JCAD: variants seen among roughly 807,000 people sequenced by gnomAD.
JCAD encodes the protein junctional cadherin 5 associated, also known as junctional cadherin 5-associated protein.
A neutral mutation model predicts 98.0 loss-of-function variants in JCAD; 40 were observed. The observed-to-expected ratio is 0.41, with a 90% CI of 0.32 to 0.53. The LOEUF is 0.53. Ranked by LOEUF, JCAD falls within the 20% of genes least tolerant of loss-of-function variation. The pLI, the probability that JCAD is intolerant of heterozygous loss-of-function variation, is 0.31. For synonymous variants in JCAD, 691 were observed against 682.3 expected (o/e 1.01, Z -0.20); for missense variants, 1,705 against 1,738.1 (o/e 0.98, Z 0.34).
rs187294080 is a variant in JCAD at position 30,057,923 on chromosome 10, A to C, written c.-60+1559T>G. Among the ~76,000 whole-genome samples the C allele has an allele frequency of 4.7e-3, 710 of 152,324 alleles. 10 individuals are homozygous for C. The South Asian group carries it at 0.05, about 11-fold the overall frequency. On this transcript the variant is annotated intron_variant, in intron 1 of 3. Coordinates refer to ENST00000375377, the MANE Select transcript of JCAD (RefSeq NM_020848.4). ...GTCACACGAAAACCAACACAAGTCCAATGAAATAGAATCTGCATATGATTT... is the reference window on the plus strand; with the variant it reads ...GTCACACGAAAACCAACACAAGTCCCATGAAATAGAATCTGCATATGATTT...
At chr10:30,038,858 G>C (rs1402568133) in intron 2 of JCAD, among the ~76,000 whole-genome samples, 1 of 152,050 alleles carries the variant, frequency 6.6e-6, no homozygotes, top group Non-Finnish European at 1.5e-5. Context: ...TGGAGCTTGT[G>C]AGGGCTCCTG....
chr10:30,027,866 T>C lies in JCAD; in HGVS notation c.2282A>G (p.Asn761Ser), dbSNP rs368367466. Residue 761 changes from asparagine to serine, a missense_variant, in exon 3 of 4, where the codon AAC becomes AGC. Asn to Ser is a conservative substitution (Grantham distance 46). This residue lies in a region of JCAD where 1,278 missense variants were observed against 1,243.1 expected (regional missense o/e 1.03). Coordinates refer to ENST00000375377, the MANE Select transcript of JCAD (RefSeq NM_020848.4). ...KGHRSLSPSS[N>S]SAFSRTSLSV... ...CAAGGAAGTCCTTGAGAACGCACTG[T>C]TGCTGGATGGGCTGAGGGACCTGTG... The C allele has an allele frequency of 1.9e-5, 30 of 1,614,138 alleles. No individual in the cohort carries two copies. The highest frequency in any genetic ancestry group is 2.7e-5 in the African/African-American group (2 of 74,956).
Position 30,027,593 on chromosome 10 carries a change from C to G in JCAD, c.2555G>C (p.Ser852Thr). The G allele has an allele frequency of 6.2e-7, 1 of 1,614,242 alleles. No individual in the cohort carries two copies. The highest frequency in any genetic ancestry group is 8.5e-7 in the Non-Finnish European group (1 of 1,180,038). Residue 852 changes from serine to threonine, a missense_variant, in exon 3 of 4, where the codon AGC becomes ACC. Transcript: ENST00000375377. ...CTCACTGCTGCTGCTGCTGCTGCTG[C>G]TGCTACTGCTGCTTTCTTCCTCTTC... ...LQEEEESSSS[S>T]SSSSSSSEES...
intron 1 of JCAD, among the ~76,000 whole-genome samples, chr10:30,113,049 T>C (rs1210077770): frequency 6.6e-6 from 1 of 152,128 alleles, no homozygotes; most frequent in African/African-American, 2.4e-5. Flanking sequence ...ATGTACAGTA[T>C]GAAATATCAC....
intron 2 of JCAD, among the ~76,000 whole-genome samples, chr10:30,039,596 A>C (rs1397209780): frequency 6.6e-6 from 1 of 152,258 alleles, no homozygotes; most frequent in East Asian, 1.9e-4. Context: ...GTCTGTGGCC[A>C]GTCCTTGGGG....
In JCAD at chr10:30,017,936, A is replaced by G; in HGVS notation, c.4046-19T>C. On this transcript the variant is annotated intron_variant, in intron 3 of 3. Transcript: ENST00000375377. The stretch of plus-strand genomic sequence containing the variant: ...TAGGAATCTGTAAAATAAGAAAAGA[A>G]AAGAAAATTAGTGTTATATTCAACT... 1.9e-6 allele frequency: 3 copies of G among 1,601,318 alleles called. No homozygotes were observed. Among genetic ancestry groups the G allele is most frequent in the Non-Finnish European group, 2.6e-6 (3 of 1,170,262 alleles).
At chr10:30,112,466 C>T (rs1838719640) in intron 1 of JCAD, among the ~76,000 whole-genome samples, 1 of 152,074 alleles carries the variant, frequency 6.6e-6, no homozygotes, top group Non-Finnish European at 1.5e-5. Context: ...TTCAGCAACA[C>T]AGTGAGACCC....
At chr10:30,025,017 AAT>A (rs1427349307) in intron 3 of JCAD, among the ~76,000 whole-genome samples, 1 of 151,974 alleles carries the variant, frequency 6.6e-6, no homozygotes, top group Admixed American at 6.6e-5. Flanking sequence ...GTTCAATAGA[AAT>A]CTCTGACTAC....
At chr10:30,062,833 G>A (rs966502131), upstream of JCAD, among the ~76,000 whole-genome samples, 9 of 152,164 alleles carry the variant, frequency 5.9e-5, no homozygotes, top group East Asian at 1.9e-4. Flanking sequence ...CCCACAACAC[G>A]TAAGGACTAT....
At chr10:30,062,453 G>A (rs555264837), upstream of JCAD, among the ~76,000 whole-genome samples, 1 of 152,334 alleles carries the variant, frequency 6.6e-6, no homozygotes, top group East Asian at 1.9e-4. Context: ...TGAGGCTGTG[G>A]ATGTGGGGAG....
At chr10:30,043,104 T>A (rs773340137) in intron 2 of JCAD, among the ~76,000 whole-genome samples, 1 of 152,232 alleles carries the variant, frequency 6.6e-6, no homozygotes, top group Non-Finnish European at 1.5e-5. Context: ...TTTAGCAAGT[T>A]CACATGCTCC....
At chr10:30,066,774 G>A (rs1045216308) in intron 2 of JCAD, among the ~76,000 whole-genome samples, 1 of 152,140 alleles carries the variant, frequency 6.6e-6, no homozygotes, top group Non-Finnish European at 1.5e-5. Flanking sequence ...GCTCACACCT[G>A]CCTCAAGTGA....
chr10:30,065,388 TAAA>T (rs1837766083), intron 2 of JCAD, among the ~76,000 whole-genome samples: 1 of 152,138 alleles, frequency 6.6e-6, no homozygotes, highest in African/African-American at 2.4e-5. Context: ...ATTAAATAAA[TAAA>T]TAAAAAGCTG....
chr10:30,037,887 T>C (rs967720435), intron 2 of JCAD, among the ~76,000 whole-genome samples: 1 of 146,880 alleles, frequency 6.8e-6, no homozygotes, highest in Non-Finnish European at 1.5e-5. Context: ...TTTGAACTCC[T>C]GCGCTTGGGT....
intron 2 of JCAD, among the ~76,000 whole-genome samples, chr10:30,033,999 G>T (rs1837057264): frequency 6.6e-6 from 1 of 152,040 alleles, no homozygotes; most frequent in African/African-American, 2.4e-5. Flanking sequence ...GAGGTGGGTG[G>T]ATCACCTGAG....
At chr10:30,066,699 C>T (rs991252226) in intron 2 of JCAD, among the ~76,000 whole-genome samples, 2 of 152,116 alleles carry the variant, frequency 1.3e-5, no homozygotes, top group African/African-American at 2.4e-5. Context: ...TCAAAATTAA[C>T]TCAAGCATTT....
intron 1 of JCAD, among the ~76,000 whole-genome samples, chr10:30,070,601 T>C (rs1203358115): frequency 1.3e-5 from 2 of 152,228 alleles, no homozygotes; most frequent in South Asian, 2.1e-4. Flanking sequence ...AGAACTTTTG[T>C]TGAAACCACC....
chr10:30,098,692 T>C (rs1386644093), intron 1 of JCAD, among the ~76,000 whole-genome samples: 1 of 152,228 alleles, frequency 6.6e-6, no homozygotes, highest in Non-Finnish European at 1.5e-5. Flanking sequence ...TTTCACATCT[T>C]CCTAAAAAAT....
intron 1 of JCAD, among the ~76,000 whole-genome samples, chr10:30,091,295 G>T (rs752826157): frequency 5.3e-5 from 8 of 152,170 alleles, no homozygotes; most frequent in Non-Finnish European, 1.0e-4. Flanking sequence ...AGAGGATAAA[G>T]ATAGGTTATA....
Sources: gnomAD v4.1 joint callset for allele counts (sites outside exome capture counted in the v4.1 genomes callset) on GRCh38, gnomAD v4.1.1 for gene constraint, gnomAD v4.1.1 regional missense constraint, MANE v1.5 for transcripts, NCBI Gene and HGNC (gene_info 2026-07-23, HGNC 2026-07-21) for gene names.